The following KIF27 variants were observed in gnomAD, a reference collection of about 807,000 sequenced individuals.
KIF27 encodes kinesin-like protein KIF27.
In KIF27, 84 loss-of-function variants were observed where a neutral mutation model predicts 141.8. The observed-to-expected ratio is 0.59, with a 90% CI of 0.50 to 0.71. The LOEUF is 0.71. Ranked by LOEUF, KIF27 falls within the 30% of genes least tolerant of loss-of-function variation. KIF27 has a pLI of 0.00. For missense variants in KIF27, 1,306 were observed against 1,628.4 expected (o/e 0.80, Z 3.41); for synonymous variants, 471 against 569.5 (o/e 0.83, Z 2.46).
intron 16 of KIF27, among the ~76,000 whole-genome samples, chr9:83,848,061 C>G (rs12002101): frequency 1.6e-4 from 3 of 19,292 alleles, no homozygotes; most frequent in African/African-American, 4.8e-4. Flanking sequence ...ATCTATATAT[C>G]ATATATATGA....
At chr9:83,882,213 A>G (rs1431733051) in intron 10 of KIF27, among the ~76,000 whole-genome samples, 1 of 152,004 alleles carries the variant, frequency 6.6e-6, no homozygotes, top group East Asian at 1.9e-4. Context: ...AAATACAAAA[A>G]TTTGCGGGTG....
At chr9:83,872,957 A>G (rs1950916384) in intron 11 of KIF27, among the ~76,000 whole-genome samples, 1 of 152,216 alleles carries the variant, frequency 6.6e-6, no homozygotes, top group African/African-American at 2.4e-5. Flanking sequence ...AAGAGACCCC[A>G]GTTGGACTCC....
intron 16 of KIF27, among the ~76,000 whole-genome samples, chr9:83,842,720 C>A (rs1946737139): frequency 6.6e-6 from 1 of 152,154 alleles, no homozygotes; most frequent in African/African-American, 2.4e-5. Flanking sequence ...CCCGCCTCGG[C>A]CTCCCAAAGT....
At chr9:83,921,215 C>CCCCCGCGGCGGCCGCT (rs1956241916) in intron 1 of KIF27, among the ~76,000 whole-genome samples, 156 bp downstream of exon 1, 1 of 152,034 alleles carries the variant, frequency 6.6e-6, no homozygotes, top group Non-Finnish European at 1.5e-5. Flanking sequence ...CTCCGCTACC[C>CCCCCGCGGCGGCCGCT]ACCCGCGGCG....
At position 83,887,100 on chromosome 9, in the gene KIF27, C is replaced by T; in HGVS notation, c.2180G>A (p.Arg727Lys). The T allele has an allele frequency of 6.2e-7, 1 of 1,600,674 alleles. No homozygotes were observed. The highest frequency in any genetic ancestry group is 8.5e-7 in the Non-Finnish European group (1 of 1,176,040). ...RILTEAKQKM[R>K]ELTINIKMKE... ...CATCTTGATGTTAATTGTAAGTTCT[C>T]TCATTTTTTGTTTAGCTTCAGTAAG... The change falls in exon 9 of 18, where the codon AGA becomes AAA. Residue 727 changes from arginine to lysine, a missense_variant. Transcript: ENST00000297814.
At position 83,834,963 on chromosome 9, in the gene KIF27, A is replaced by G. The variant is rs1401459859; in HGVS notation, c.*2038T>C. On this transcript the variant is annotated 3_prime_UTR_variant, in exon 18 of 18. Transcript: ENST00000297814. ...TACAAGTGTTTATATACAAGTATAT[A>G]TAATGGTAAAAGGTCAGTGCCTTCA... Among the ~76,000 whole-genome samples, 1 of 147,618 alleles carries G rather than the reference A, an allele frequency of 6.8e-6. No homozygotes were observed. The highest frequency in any genetic ancestry group is 1.5e-5 in the Non-Finnish European group (1 of 67,382).
chr9:83,877,316 C>G (rs1951280358), intron 11 of KIF27, among the ~76,000 whole-genome samples: 1 of 151,994 alleles, frequency 6.6e-6, no homozygotes, highest in African/African-American at 2.4e-5. Context: ...AACTTTGTAC[C>G]ATTTGACCAA....
At chr9:83,884,495 T>C (rs1951929114) in intron 9 of KIF27, among the ~76,000 whole-genome samples, 1 of 152,208 alleles carries the variant, frequency 6.6e-6, no homozygotes, top group Non-Finnish European at 1.5e-5. Context: ...TTAAAAGTTA[T>C]CAAGATTTTG....
intron 12 of KIF27, 49 bp downstream of exon 12, chr9:83,870,470 A>G: frequency 6.2e-7 from 1 of 1,607,238 alleles, no homozygotes; most frequent in Non-Finnish European, 8.5e-7. Flanking sequence ...TATTTAGACA[A>G]CCATCAGATT....
intron 16 of KIF27, among the ~76,000 whole-genome samples, chr9:83,848,421 T>C (rs1948081965): frequency 1.5e-5 from 2 of 134,878 alleles, no homozygotes; most frequent in Non-Finnish European, 3.1e-5. Flanking sequence ...GATATATATG[T>C]ATATATCTAT....
At chr9:83,880,923 A>G (rs1271336125) in intron 10 of KIF27, among the ~76,000 whole-genome samples, 1 of 152,260 alleles carries the variant, frequency 6.6e-6, no homozygotes, top group Non-Finnish European at 1.5e-5. Context: ...AAATGTATGC[A>G]ATGCATATGC....
At chr9:83,867,656 G>T in intron 13 of KIF27, 28 bp downstream of exon 13, 1 of 1,565,030 alleles carries the variant, frequency 6.4e-7, no homozygotes, top group Non-Finnish European at 8.6e-7. Flanking sequence ...TTTACAACCA[G>T]AATCAAGTAG....
Position 83,903,315 on chromosome 9 carries a change from T to C in KIF27, c.1203A>G (p.Val401=), listed in dbSNP as rs764808301. The C allele has an allele frequency of 1.9e-6, 3 of 1,614,238 alleles. No homozygotes were observed. The East Asian group carries it at 6.7e-5, about 36-fold the overall frequency. The part of the protein sequence containing the change: ...TNRIHSLEEQ[V]AQLQGECLGY... ...CCAGACATTCTCCTTGAAGCTGAGCTACTTGCTCCTCAAGAGAATGAATCC... is the reference window on the plus strand; with the variant it reads ...CCAGACATTCTCCTTGAAGCTGAGCCACTTGCTCCTCAAGAGAATGAATCC... Residue 401 remains valine, a synonymous_variant, in exon 4 of 18, where the codon GTA becomes GTG. Transcript: ENST00000297814.
chr9:83,907,056 C>T (rs1404136287), intron 3 of KIF27, among the ~76,000 whole-genome samples: 2 of 151,524 alleles, frequency 1.3e-5, no homozygotes, highest in African/African-American at 4.9e-5. Flanking sequence ...TTTGGGAGGC[C>T]GAGGTGGGAG....
chr9:83,851,206 C>T (rs1355659051), intron 15 of KIF27, among the ~76,000 whole-genome samples: 2 of 152,044 alleles, frequency 1.3e-5, no homozygotes, highest in East Asian at 1.9e-4. Flanking sequence ...GTAATCTATG[C>T]AGTTTACATT....
At chr9:83,908,690 A>G in intron 2 of KIF27, 38 bp from the exon 3 acceptor site, 1 of 1,311,994 alleles carries the variant, frequency 7.6e-7, no homozygotes, top group African/African-American at 1.5e-5. Flanking sequence ...CTGGAACTTA[A>G]AACAAAAGCA....
intron 11 of KIF27, among the ~76,000 whole-genome samples, chr9:83,872,837 G>C (rs111745385): frequency 0.11 from 17,322 of 152,194 alleles, 1,110 homozygotes; most frequent in Non-Finnish European, 0.14. Flanking sequence ...AATGGGGAGA[G>C]ACGGGCTCCT....
At chr9:83,853,945 T>C in intron 14 of KIF27, 110 bp from the exon 15 acceptor site, 2 of 782,512 alleles carry the variant, frequency 2.6e-6, no homozygotes, top group Non-Finnish European at 4.1e-6. Flanking sequence ...ACCACTCTTG[T>C]ACTAGATTTT....
Position 83,892,077 on chromosome 9 carries a change from T to C in KIF27, c.1603-576A>G, listed in dbSNP as rs140872617. Among the ~76,000 whole-genome samples, 9 of 152,332 alleles carry C rather than the reference T, an allele frequency of 5.9e-5. No homozygotes were observed. In the South Asian group the frequency reaches 1.7e-3, roughly 28 times the overall value. On this transcript the variant is annotated intron_variant, in intron 5 of 17. Transcript: ENST00000297814. Reference sequence around the variant, plus strand: ...AGGAATGTGTGTGTGTGTTTGTGTATATGTGGTTTAGTATTTTTTGTGTAT... The same window carrying C: ...AGGAATGTGTGTGTGTGTTTGTGTACATGTGGTTTAGTATTTTTTGTGTAT...
Sources: allele counts gnomAD v4.1 joint callset (sites outside exome capture counted in the v4.1 genomes callset), GRCh38; gene constraint gnomAD v4.1.1; transcripts MANE v1.5; gene names NCBI Gene and HGNC (gene_info 2026-07-23, HGNC 2026-07-21).